PATJ: variants seen among roughly 807,000 people sequenced by gnomAD.
The protein encoded by PATJ is PATJ crumbs cell polarity complex component, also known as inaD-like protein.
PATJ carries 190 observed loss-of-function variants against 224.9 expected under a neutral mutation model. That is an observed-to-expected ratio of 0.84 (90% confidence interval 0.75 to 0.95). The LOEUF (loss-of-function observed/expected upper bound fraction) is 0.95. Ranked by LOEUF, PATJ falls within the 40% of genes least tolerant of loss-of-function variation. The pLI is 0.00. For missense variants in PATJ, 2,121 were observed against 2,270.3 expected, an observed-to-expected ratio of 0.93 and a Z score of 1.34; for synonymous variants, 769 against 820.3, an observed-to-expected ratio of 0.94 and a Z score of 1.07.
intron 28 of PATJ, among the ~76,000 whole-genome samples, chr1:61,993,289 T>G (rs1342997952): frequency 6.6e-6 from 1 of 152,098 alleles, no homozygotes; most frequent in African/African-American, 2.4e-5. Context: ...GATGAAGAGA[T>G]AGATATACAG....
intron 28 of PATJ, among the ~76,000 whole-genome samples, chr1:62,005,962 A>G (rs17122903): frequency 0.31 from 46,532 of 152,046 alleles, 7,724 homozygotes; most frequent in East Asian, 0.47. Context: ...AGGCAAATCT[A>G]TTACTTGAGC....
intron 42 of PATJ, among the ~76,000 whole-genome samples, chr1:62,149,749 A>G (rs1381382301): frequency 6.6e-6 from 1 of 151,982 alleles, no homozygotes; most frequent in Non-Finnish European, 1.5e-5. Flanking sequence ...GCTGGGAACC[A>G]CAAGCTTAAA....
At chr1:62,044,274 C>T (rs1448260245) in intron 30 of PATJ, among the ~76,000 whole-genome samples, 1 of 152,214 alleles carries the variant, frequency 6.6e-6, no homozygotes, top group Non-Finnish European at 1.5e-5. Flanking sequence ...TCAACCTTCA[C>T]CCCATCCACC....
intron 30 of PATJ, among the ~76,000 whole-genome samples, chr1:62,048,704 T>G (rs543472207): frequency 1.2e-3 from 186 of 152,264 alleles, no homozygotes; most frequent in African/African-American, 4.2e-3. Flanking sequence ...TAGGGTAGTA[T>G]TTTTAATCTG....
chr1:61,789,351 A>C (rs78312077), intron 8 of PATJ, among the ~76,000 whole-genome samples: 8 of 152,054 alleles, frequency 5.3e-5, no homozygotes, highest in Non-Finnish European at 1.0e-4. Context: ...ACAAAAAAAA[A>C]CTGAAACAAA....
chr1:61,836,457 G>A lies in PATJ; in HGVS notation c.2112+2672G>A, dbSNP rs111498987. Among the ~76,000 whole-genome samples, 781 of 152,270 alleles carry A rather than the reference G, an allele frequency of 5.1e-3. 10 individuals are homozygous for A. Among genetic ancestry groups the A allele is most frequent in the African/African-American group, 0.017 (718 of 41,550 alleles). ...AAAGGCCATTTTGATTCAGATTAAA[G>A]GGCTCATCTTATTTACTTCTACAGC... On this transcript the variant is annotated intron_variant, in intron 17 of 43. Coordinates refer to ENST00000642238, the MANE Select transcript of PATJ (RefSeq NM_001350145.3).
At chr1:62,118,165 A>G (rs1406334691) in intron 37 of PATJ, among the ~76,000 whole-genome samples, 1 of 151,998 alleles carries the variant, frequency 6.6e-6, no homozygotes, top group Non-Finnish European at 1.5e-5. Flanking sequence ...AGTCAAACCC[A>G]ATAAACACCA....
chr1:62,112,234 G>A (rs762740333), intron 34 of PATJ, among the ~76,000 whole-genome samples: 3 of 152,092 alleles, frequency 2.0e-5, no homozygotes, highest in African/African-American at 7.2e-5. Flanking sequence ...GGCCGGGTGC[G>A]GTGGCTCACG....
intron 39 of PATJ, among the ~76,000 whole-genome samples, chr1:62,124,414 C>T (rs1665460012): frequency 6.6e-6 from 1 of 152,104 alleles, no homozygotes; most frequent in Non-Finnish European, 1.5e-5. Context: ...TCACTTTGAC[C>T]TAAATGAGGG....
chr1:61,863,027 GTTTTTTTT>G (rs35033086), intron 19 of PATJ, among the ~76,000 whole-genome samples: 2 of 79,996 alleles, frequency 2.5e-5, no homozygotes, highest in African/African-American at 9.4e-5. Flanking sequence ...ACTGTTTTCA[GTTTTTTTT>G]TTTTTTTTTT....
chr1:62,096,908 C>T (rs753256443), intron 33 of PATJ, among the ~76,000 whole-genome samples: 3 of 152,120 alleles, frequency 2.0e-5, no homozygotes, highest in Non-Finnish European at 2.9e-5. Context: ...TGAGCCACTG[C>T]GCCCGGCCCA....
intron 27 of PATJ, among the ~76,000 whole-genome samples, chr1:61,981,095 C>T (rs901709781): frequency 3.9e-5 from 6 of 151,932 alleles, no homozygotes; most frequent in Admixed American, 3.3e-4. Flanking sequence ...TTTATTTAAT[C>T]CCGAAGCCTG....
intron 1 of PATJ, among the ~76,000 whole-genome samples, chr1:61,757,473 C>T (rs1645714901): frequency 6.6e-6 from 1 of 152,124 alleles, no homozygotes; most frequent in Admixed American, 6.6e-5. Context: ...CAGCCTCAAC[C>T]TTCCTGAGCC....
intron 32 of PATJ, among the ~76,000 whole-genome samples, chr1:62,082,788 A>G (rs1558143798): frequency 6.6e-6 from 1 of 151,494 alleles, no homozygotes; most frequent in African/African-American, 2.4e-5. Context: ...TTTTCTTTTG[A>G]TTTTTTTTCA....
intron 27 of PATJ, among the ~76,000 whole-genome samples, chr1:61,958,639 C>T (rs1171540500): frequency 1.3e-5 from 2 of 152,180 alleles, no homozygotes; most frequent in African/African-American, 4.8e-5. Flanking sequence ...ACCCTATATA[C>T]GGCCTCAAAT....
intron 1 of PATJ, among the ~76,000 whole-genome samples, chr1:61,755,990 C>T (rs907665141): frequency 2.0e-5 from 3 of 152,058 alleles, no homozygotes; most frequent in Non-Finnish European, 2.9e-5. Flanking sequence ...TTAGTAGAGA[C>T]GGGGTTTCTC....
chr1:61,922,236 G>T (rs1243101604), intron 26 of PATJ, among the ~76,000 whole-genome samples: 1 of 151,890 alleles, frequency 6.6e-6, no homozygotes, highest in Non-Finnish European at 1.5e-5. Context: ...GTAAAAATGG[G>T]GTTTCACCAT....
chr1:61,793,722 CAAAAAAA>C (rs34149615), intron 9 of PATJ, among the ~76,000 whole-genome samples: 6 of 73,694 alleles, frequency 8.1e-5, no homozygotes, highest in Non-Finnish European at 1.6e-4. Flanking sequence ...GATCCTGTTT[CAAAAAAA>C]AAAAAAAAAA....
At chr1:62,005,077 T>C (rs1289960296) in intron 28 of PATJ, among the ~76,000 whole-genome samples, 1 of 152,176 alleles carries the variant, frequency 6.6e-6, no homozygotes, top group Non-Finnish European at 1.5e-5. Flanking sequence ...ACGTAGTTTT[T>C]TTCACTTTTT....
Sources: gnomAD v4.1 joint callset for allele counts (sites outside exome capture counted in the v4.1 genomes callset) on GRCh38, gnomAD v4.1.1 for gene constraint, MANE v1.5 for transcripts, NCBI Gene and HGNC (gene_info 2026-07-23, HGNC 2026-07-21) for gene names.